The following THOC2 variants were observed in gnomAD, a reference collection of about 807,000 sequenced individuals.
The protein encoded by THOC2 is THO complex 2.
A neutral mutation model predicts 128.4 loss-of-function variants in THOC2; 10 were observed. The ratio of observed to expected loss-of-function variants is 0.08; its 90% confidence interval spans 0.05 to 0.13. The LOEUF (loss-of-function observed/expected upper bound fraction) is 0.13. Ranked by LOEUF, THOC2 falls within the 10% of genes least tolerant of loss-of-function variation. THOC2 has a pLI of 1.00. For missense variants in THOC2, 535 were observed against 1,155.7 expected (o/e 0.46, Z 7.79); for synonymous variants, 393 against 396.9 (o/e 0.99, Z 0.12).
chrX:123,663,635 T>TA (rs1217816906), intron 12 of THOC2, among the ~76,000 whole-genome samples: 1 of 110,247 alleles, frequency 9.1e-6, no homozygotes, highest in African/African-American at 3.3e-5. Flanking sequence ...TTTTTTTTTT[T>TA]TATACTTCAA....
intron 7 of THOC2, among the ~76,000 whole-genome samples, chrX:123,690,023 T>TAC (rs1298581738): frequency 9.1e-5 from 10 of 109,721 alleles, no homozygotes; most frequent in Non-Finnish European, 1.1e-4. Flanking sequence ...TATACATACA[T>TAC]ACACACACAC....
intron 4 of THOC2, among the ~76,000 whole-genome samples, chrX:123,702,858 T>C (rs1011054134): frequency 9.1e-6 from 1 of 110,357 alleles, no homozygotes; most frequent in African/African-American, 3.3e-5. Context: ...AGAAAAAAAT[T>C]ATAATAAACA....
intron 1 of THOC2, among the ~76,000 whole-genome samples, chrX:123,731,928 G>A (rs1380869009): frequency 1.8e-5 from 2 of 111,794 alleles, no homozygotes; most frequent in Non-Finnish European, 3.8e-5. Flanking sequence ...AATGGCTAAC[G>A]AGGGTTAATT....
chrX:123,696,278 G>C (rs2050443199), intron 6 of THOC2, 124 bp from the exon 7 acceptor site: 1 of 459,686 alleles, frequency 2.2e-6, no homozygotes, highest in Admixed American at 4.6e-5. Context: ...AATAGTTGTT[G>C]AAAGTTTACC....
At chrX:123,703,708 TG>T (rs1418619540) in intron 3 of THOC2, among the ~76,000 whole-genome samples, 1 of 71,459 alleles carries the variant, frequency 1.4e-5, no homozygotes, top group Non-Finnish European at 2.5e-5. Flanking sequence ...GACCATGTGG[TG>T]AAACCCCATC....
intron 16 of THOC2, among the ~76,000 whole-genome samples, chrX:123,639,488 T>C (rs1036190396): frequency 8.0e-5 from 9 of 112,238 alleles, no homozygotes; most frequent in African/African-American, 2.6e-4. Context: ...TATCTCTTGG[T>C]ACTTTTTTTG....
intron 4 of THOC2, among the ~76,000 whole-genome samples, chrX:123,701,835 G>C (rs2050718772): frequency 9.0e-6 from 1 of 110,916 alleles, no homozygotes; most frequent in South Asian, 3.7e-4. Context: ...AATAAAAGAG[G>C]GTACTATTAA....
At position 123,621,533 on chromosome X, in the gene THOC2, C is replaced by CTCTTTT; in HGVS notation, c.3834_3839dup (p.Glu1280_Lys1281dup). 8.5e-7 allele frequency: 1 copy of CTCTTTT among 1,176,004 alleles called. No individual in the cohort carries two copies. The highest frequency in any genetic ancestry group is 1.1e-6 in the Non-Finnish European group (1 of 882,169). On this transcript the variant is annotated inframe_insertion, in exon 31 of 39. Coordinates refer to ENST00000245838, the MANE Select transcript of THOC2 (RefSeq NM_001081550.2). ...TAGTAGCTGGAGTCTTTTCTTTTTT[C>CTCTTTT]TCTTTTTCTTTCTCTTTCCCTTTTT...
At chrX:123,635,410 T>C (rs966392018) in intron 19 of THOC2, among the ~76,000 whole-genome samples, 6 of 111,957 alleles carry the variant, frequency 5.4e-5, no homozygotes, top group African/African-American at 1.9e-4. Context: ...TAATACTTGT[T>C]TGGAACACCA....
intron 8 of THOC2, among the ~76,000 whole-genome samples, chrX:123,683,144 A>C (rs933716503): frequency 9.0e-6 from 1 of 111,333 alleles, no homozygotes; most frequent in African/African-American, 3.3e-5. Context: ...GAGCATCCCA[A>C]ATCTGAAAAC....
intron 18 of THOC2, 54 bp from the exon 19 acceptor site, chrX:123,636,229 A>G: frequency 2.1e-6 from 2 of 974,688 alleles, no homozygotes; most frequent in South Asian, 2.1e-5. Flanking sequence ...ATGCACAAGT[A>G]TCATTTCAAC....
chrX:123,660,263 G>C lies in THOC2; in HGVS notation c.1386+5379C>G, dbSNP rs899818208. ...ACAGCTCTACCAAGTGTGTATCTTG[G>C]TAATAATATTGTATATGGTTATGTA... On this transcript the variant is annotated intron_variant, in intron 12 of 38. Transcript: ENST00000245838. 9.0e-5 allele frequency among the ~76,000 whole-genome samples: 10 copies of C among 111,257 alleles called. 1 individual carries two copies. The highest frequency in any genetic ancestry group is 8.7e-4 in the Admixed American group (9 of 10,379).
chrX:123,668,619 G>T (rs1173545407), intron 9 of THOC2, among the ~76,000 whole-genome samples: 2 of 111,647 alleles, frequency 1.8e-5, no homozygotes, highest in Non-Finnish European at 3.8e-5. Context: ...GTTTACCCAA[G>T]AAAATATATA....
intron 8 of THOC2, among the ~76,000 whole-genome samples, chrX:123,685,917 G>A (rs1247875804): frequency 9.0e-6 from 1 of 111,403 alleles, no homozygotes; most frequent in East Asian, 2.8e-4. Flanking sequence ...CGTGATCCAA[G>A]CACAGTGGCA....
intron 38 of THOC2, among the ~76,000 whole-genome samples, chrX:123,610,534 C>T (rs989363648): frequency 6.3e-5 from 7 of 111,869 alleles, no homozygotes; most frequent in Middle Eastern, 4.6e-3. Flanking sequence ...TTATGACCCT[C>T]TTCAACTTAA....
rs979235111 is a variant in THOC2 at position 123,651,722 on chromosome X, T to C, written c.1387-6347A>G. 4.7e-5 allele frequency among the ~76,000 whole-genome samples: 5 copies of C among 105,515 alleles called. 1 individual carries two copies. The highest frequency in any genetic ancestry group is 1.4e-4 in the African/African-American group (4 of 28,359). The allele number at this position is 105,515 out of a possible 115,157, so 91.6% of individuals were successfully genotyped here. A position where few individuals can be genotyped will look rare whatever the true frequency, so the allele number is the denominator to read the frequency against. On this transcript the variant is annotated intron_variant, in intron 12 of 38. Transcript: ENST00000245838. Reference sequence around the variant, plus strand: ...AGAAATGGATAAATTCCTGGACACATACGCCCCCCCCCCAAGACTAAACCA... The same window carrying C: ...AGAAATGGATAAATTCCTGGACACACACGCCCCCCCCCCAAGACTAAACCA...
At position 123,626,579 on chromosome X, in the gene THOC2, T is replaced by G. The variant is rs2047278035; in HGVS notation, c.2841A>C (p.Glu947Asp). Residue 947 changes from glutamate to aspartate, a missense_variant, in exon 24 of 39, where the codon GAA (glutamate) becomes GAC (aspartate). By Grantham distance (45) the Glu-to-Asp change is conservative. This residue lies in a region of THOC2 where 90 missense variants were observed against 298.6 expected (regional missense o/e 0.30). Transcript: ENST00000245838. ...KLLEEEKKQM[E>D]HVQRVLQRLK... ...ATCTCTGTAGAACTCTCTGTACATGTTCCATCTGTTTCTTTTCTTCTTCAA... is the reference window on the plus strand; with the variant it reads ...ATCTCTGTAGAACTCTCTGTACATGGTCCATCTGTTTCTTTTCTTCTTCAA... 1 of 1,202,431 alleles carries G rather than the reference T, an allele frequency of 8.3e-7. No homozygotes were observed. The highest frequency in any genetic ancestry group is 2.3e-5 in the Admixed American group (1 of 44,302).
chrX:123,731,512 C>G lies in THOC2; in HGVS notation c.71+1440G>C, dbSNP rs184143057. ...ATATCTAAAGGTTGGAATAATATTACTTTTAATAGCTATCACTTGAGCACT... is the reference window on the plus strand; with the variant it reads ...ATATCTAAAGGTTGGAATAATATTAGTTTTAATAGCTATCACTTGAGCACT... On this transcript the variant is annotated intron_variant, in intron 1 of 38. Transcript: ENST00000245838. Among the ~76,000 whole-genome samples the G allele has an allele frequency of 2.2e-3, 242 of 112,176 alleles. 1 individual carries two copies. The highest frequency in any genetic ancestry group is 7.7e-3 in the African/African-American group (239 of 30,891).
At chrX:123,677,909 A>G (rs1281436312) in intron 8 of THOC2, among the ~76,000 whole-genome samples, 3 of 111,118 alleles carry the variant, frequency 2.7e-5, no homozygotes, top group Non-Finnish European at 5.7e-5. Flanking sequence ...AGCTTTTTAA[A>G]CATGTTTGTT....
Sources: gnomAD v4.1 joint callset for allele counts (sites outside exome capture counted in the v4.1 genomes callset) on GRCh38, gnomAD v4.1.1 for gene constraint, gnomAD v4.1.1 regional missense constraint, MANE v1.5 for transcripts, NCBI Gene and HGNC (gene_info 2026-07-23, HGNC 2026-07-21) for gene names.